TSN: variants seen among roughly 807,000 people sequenced by gnomAD.
TSN encodes translin, also known as component 3 of promoter of RISC.
TSN carries 5 observed loss-of-function variants against 29.4 expected under a neutral mutation model. The ratio of observed to expected loss-of-function variants is 0.17; its 90% CI spans 0.09 to 0.36. TSN has a LOEUF of 0.36. Ranked by LOEUF, TSN falls within the 10% of genes least tolerant of loss-of-function variation. TSN has a pLI of 1.00. For missense variants in TSN, 159 were observed against 272.8 expected, an observed-to-expected ratio of 0.58 and a Z score of 2.94; for synonymous variants, 106 against 102.2, an observed-to-expected ratio of 1.04 and a Z score of -0.23.
At position 121,767,788 on chromosome 2, in the gene TSN, A is replaced by C. The variant is rs1008425309; in HGVS notation, c.*2421A>C. The C allele has an allele frequency of 5.9e-5, 9 of 152,160 alleles. No individual in the cohort carries two copies. The highest frequency in any genetic ancestry group is 2.2e-4 in the African/African-American group (9 of 41,434). The allele number at this position is 152,160 out of a possible 1,614,324, so 9.4% of individuals were successfully genotyped here. A position where few individuals can be genotyped will look rare whatever the true frequency, so the allele number is the denominator to read the frequency against. On this transcript the variant is annotated 3_prime_UTR_variant, in exon 6 of 6. Coordinates refer to ENST00000389682, the MANE Select transcript of TSN (RefSeq NM_004622.3). ...AGATGAGACAAACATGCAGGTCGCT[A>C]CTGGCATAGTTTCATAATTGTGTAC...
intron 1 of TSN, among the ~76,000 whole-genome samples, chr2:121,756,919 AAAAAAAG>A (rs971478571): frequency 3.3e-5 from 5 of 151,952 alleles, no homozygotes; most frequent in African/African-American, 9.7e-5. Context: ...AAAAAAAAAA[AAAAAAAG>A]AAAAAAGAAT....
chr2:121,762,160 T>C (rs1020403493), intron 4 of TSN, among the ~76,000 whole-genome samples: 22 of 152,096 alleles, frequency 1.4e-4, no homozygotes, highest in African/African-American at 5.1e-4. Flanking sequence ...ACCCGGCTAA[T>C]TTTGTATTTT....
intron 4 of TSN, 150 bp downstream of exon 4, chr2:121,761,674 C>T: frequency 1.5e-6 from 1 of 645,268 alleles, no homozygotes. Flanking sequence ...ATGATGCTTC[C>T]AGAGCTCTTC....
rs2074751895 is a variant in TSN, at chr2:121,756,590, T to TGC, written c.67-650_67-649insGC. ...ATTTACACAGTGCCTCGCACATAAG[T>TGC]ATGCTCAGTGAATATTTTAAAAATG... On this transcript the variant is annotated intron_variant, in intron 1 of 5. Coordinates refer to ENST00000389682, the MANE Select transcript of TSN (RefSeq NM_004622.3). 2.3e-6 allele frequency: 3 copies of TGC among 1,285,338 alleles called. No individual in the cohort carries two copies. In the African/African-American group the frequency reaches 4.6e-5, roughly 20 times the overall value. 79.6% of individuals were successfully genotyped at this position (1,285,338 alleles called of 1,614,324 possible). A position where few individuals can be genotyped will look rare whatever the true frequency, so the allele number is the denominator to read the frequency against.
chr2:121,764,719 A>C (rs2074879462), intron 5 of TSN, among the ~76,000 whole-genome samples: 1 of 152,104 alleles, frequency 6.6e-6, no homozygotes, highest in Admixed American at 6.5e-5. Flanking sequence ...ACTTGATTCT[A>C]GGTGACTGGA....
chr2:121,757,042 T>C (rs1324215680), intron 1 of TSN, among the ~76,000 whole-genome samples, 198 bp from the exon 2 acceptor site: 1 of 152,134 alleles, frequency 6.6e-6, no homozygotes, highest in East Asian at 1.9e-4. Context: ...GTTTAATGGG[T>C]GGCTATTATT....
intron 1 of TSN, 89 bp from the exon 2 acceptor site, chr2:121,757,151 T>C: frequency 1.6e-6 from 2 of 1,224,260 alleles, no homozygotes; most frequent in Non-Finnish European, 2.3e-6. Context: ...TTGGTTATGA[T>C]AGATCACATA....
chr2:121,757,445 A>C (rs748129293), intron 2 of TSN, 112 bp downstream of exon 2: 1 of 1,556,638 alleles, frequency 6.4e-7, no homozygotes, highest in Admixed American at 1.9e-5. Context: ...GTGAGTAAAA[A>C]TTGAAGAAGT....
intron 5 of TSN, among the ~76,000 whole-genome samples, chr2:121,764,029 T>C (rs1305681088): frequency 1.3e-5 from 2 of 152,176 alleles, no homozygotes; most frequent in East Asian, 3.8e-4. Flanking sequence ...TAGCCAGCAG[T>C]AGGAGGAAAT....
At chr2:121,760,322 C>T (rs1321981377) in intron 3 of TSN, among the ~76,000 whole-genome samples, 1 of 152,186 alleles carries the variant, frequency 6.6e-6, no homozygotes, top group African/African-American at 2.4e-5. Flanking sequence ...CGCCCCCCTT[C>T]TGTGGAAAAA....
intron 5 of TSN, among the ~76,000 whole-genome samples, chr2:121,763,377 C>T (rs1006439391): frequency 2.0e-5 from 3 of 152,108 alleles, no homozygotes; most frequent in African/African-American, 4.8e-5. Context: ...GATCTCCTGA[C>T]CTCGTGATCC....
intron 1 of TSN, chr2:121,756,623 G>A (rs1453082485): frequency 8.5e-6 from 11 of 1,298,030 alleles, no homozygotes; most frequent in Non-Finnish European, 9.1e-6. Flanking sequence ...ATGAATTAGA[G>A]GCGGGGAGCG....
At chr2:121,762,933 T>G in intron 4 of TSN, 72 bp from the exon 5 acceptor site, 1 of 1,343,058 alleles carries the variant, frequency 7.4e-7, no homozygotes, top group Non-Finnish European at 1.0e-6. Flanking sequence ...TGGGAGAAAT[T>G]ATGTGTATAT....
Position 121,755,693 on chromosome 2 carries a change from C to A in TSN, c.-87C>A, listed in dbSNP as rs2074733588. On this transcript the variant is annotated 5_prime_UTR_variant, in exon 1 of 6. Coordinates refer to ENST00000389682, the MANE Select transcript of TSN (RefSeq NM_004622.3). ...GGGGGGACGCGGCGGTAGCGGCGGC[C>A]GTTGCGATTGATTGCGCTGGTTGCC... 2.6e-6 allele frequency: 4 copies of A among 1,547,178 alleles called. No homozygotes were observed. The highest frequency in any genetic ancestry group is 1.4e-5 in the African/African-American group (1 of 73,750).
intron 1 of TSN, 63 bp downstream of exon 1, chr2:121,755,908 G>A: frequency 1.9e-6 from 3 of 1,608,062 alleles, no homozygotes; most frequent in Non-Finnish European, 2.5e-6. Flanking sequence ...ACTTCGCCCG[G>A]CCCTCCTCTG....
At position 121,765,271 on chromosome 2, in the gene TSN, A is replaced by G. The variant is rs2074887786; in HGVS notation, c.591A>G (p.Gly197=). Residue 197 remains glycine (G), a synonymous_variant, in exon 6 of 6, where the codon GGA becomes GGG. Transcript: ENST00000389682. The part of the protein sequence containing the change: ...KNDSLRKRYD[G]LKYDVKKVEE... The stretch of plus-strand genomic sequence containing the variant: ...ACTCCCTGAGGAAGCGCTACGACGG[A>G]TTGAAATATGACGTGAAGAAAGTAG... The G allele has an allele frequency of 3.7e-6, 6 of 1,614,164 alleles. No homozygotes were observed. The Admixed American group carries it at 6.7e-5, about 18-fold the overall frequency.
intron 5 of TSN, among the ~76,000 whole-genome samples, chr2:121,764,642 A>G (rs1279814086): frequency 6.6e-6 from 1 of 151,682 alleles, no homozygotes; most frequent in East Asian, 1.9e-4. Context: ...CTTGAAATCA[A>G]TGTTAGTTCT....
intron 4 of TSN, 106 bp from the exon 5 acceptor site, chr2:121,762,899 G>C: frequency 9.4e-7 from 1 of 1,058,476 alleles, no homozygotes; most frequent in South Asian, 1.8e-5. Flanking sequence ...GTTTTTAAAA[G>C]ATTCATCCTT....
At chr2:121,761,857 G>T (rs959709931) in intron 4 of TSN, among the ~76,000 whole-genome samples, 1 of 151,184 alleles carries the variant, frequency 6.6e-6, no homozygotes, top group Non-Finnish European at 1.5e-5. Flanking sequence ...AGTCTCTGTC[G>T]CCCAGGCTGG....
Sources: allele counts gnomAD v4.1 joint callset (sites outside exome capture counted in the v4.1 genomes callset), GRCh38; gene constraint gnomAD v4.1.1; transcripts MANE v1.5; gene names NCBI Gene and HGNC (gene_info 2026-07-23, HGNC 2026-07-21).